Variants in LAMTOR1 observed in about 807,000 individuals in gnomAD.
LAMTOR1 encodes the protein late endosomal/lysosomal adaptor, MAPK and MTOR activator 1.
In LAMTOR1, 8 loss-of-function variants were observed where a neutral mutation model predicts 20.5. The observed-to-expected ratio is 0.39, with a 90% CI of 0.23 to 0.70. LAMTOR1 has a LOEUF of 0.70. LAMTOR1 is among the 30% of genes least tolerant of loss of function. The pLI, the probability that LAMTOR1 is intolerant of heterozygous loss-of-function variation, is 0.43. For missense variants in LAMTOR1, 135 were observed against 206.2 expected (o/e 0.65, Z 2.11); for synonymous variants, 77 against 80.9 (o/e 0.95, Z 0.26).
chr11:72,103,105 C>G, intron 1 of LAMTOR1, 78 bp downstream of exon 1: 1 of 1,522,978 alleles, frequency 6.6e-7, no homozygotes, highest in Non-Finnish European at 8.9e-7. Flanking sequence ...GGCTGCCCGT[C>G]CTCCGCAGGT....
At chr11:72,099,908 GCT>G (rs1945377051) in intron 1 of LAMTOR1, among the ~76,000 whole-genome samples, 1 of 152,144 alleles carries the variant, frequency 6.6e-6, no homozygotes, top group Admixed American at 6.5e-5. Flanking sequence ...GTGCTCTGGT[GCT>G]CTTTTTGTAC....
chr11:72,098,419 A>G lies in LAMTOR1; in HGVS notation c.267-4T>C, dbSNP rs1565324971. 2 of 1,607,668 alleles carry G rather than the reference A, an allele frequency of 1.2e-6. No homozygotes were observed. The highest frequency in any genetic ancestry group is 1.1e-5 in the South Asian group (1 of 88,472). On this transcript the variant is annotated splice_polypyrimidine_tract_variant and splice_region_variant and intron_variant, in intron 3 of 4. Transcript: ENST00000278671. Reference sequence around the variant, plus strand: ...GCTCAGCACAGCCAAGCGGGTGCTGACCAAGAGAGAGGGGGTGGGGGTAGG... The same window carrying G: ...GCTCAGCACAGCCAAGCGGGTGCTGGCCAAGAGAGAGGGGGTGGGGGTAGG...
chr11:72,098,088 G>GA, intron 4 of LAMTOR1, 174 bp from the exon 5 acceptor site: 1 of 1,025,072 alleles, frequency 9.8e-7, no homozygotes, highest in Non-Finnish European at 1.4e-6. Context: ...AAAGGGGAGT[G>GA]AAACAATAAA....
In LAMTOR1 at chr11:72,098,868, G is replaced by C; in HGVS notation, c.189-10C>G. 1 of 1,541,656 alleles carries C rather than the reference G, an allele frequency of 6.5e-7. No individual in the cohort carries two copies. Among genetic ancestry groups the C allele is most frequent in the South Asian group, 1.2e-5 (1 of 81,238 alleles). On this transcript the variant is annotated splice_polypyrimidine_tract_variant and intron_variant, in intron 2 of 4. Transcript: ENST00000278671. The stretch of plus-strand genomic sequence containing the variant: ...CACATCAATGATGTTGCTATGGGGA[G>C]AGGAGACAGAGATGACATGACAGGT...
chr11:72,103,113 G>C lies in LAMTOR1; in HGVS notation c.42+70C>G. On this transcript the variant is annotated intron_variant, in intron 1 of 4. Coordinates refer to ENST00000278671, the MANE Select transcript of LAMTOR1 (RefSeq NM_017907.3). The stretch of plus-strand genomic sequence containing the variant: ...GCAGTCCGGCTGCCCGTCCTCCGCA[G>C]GTTTCTTTCTGGGCCCCATGCCCCA... 3.9e-6 allele frequency: 6 copies of C among 1,541,406 alleles called. No individual in the cohort carries two copies. In the South Asian group the frequency reaches 7.1e-5, roughly 18 times the overall value.
intron 3 of LAMTOR1, 92 bp downstream of exon 3, chr11:72,098,689 G>T: frequency 1.0e-6 from 1 of 988,556 alleles, no homozygotes; most frequent in Non-Finnish European, 1.5e-6. Flanking sequence ...CAAATGAGAA[G>T]CTTGGACTAG....
chr11:72,098,258 G>A (rs1325880478), intron 4 of LAMTOR1, 31 bp downstream of exon 4: 1 of 1,610,182 alleles, frequency 6.2e-7, no homozygotes, highest in East Asian at 2.2e-5. Flanking sequence ...GTGTGAGAAG[G>A]GTGGGCAGGG....
intron 1 of LAMTOR1, among the ~76,000 whole-genome samples, 182 bp from the exon 2 acceptor site, chr11:72,099,438 A>G (rs538117014): frequency 6.6e-6 from 1 of 152,314 alleles, no homozygotes; most frequent in East Asian, 1.9e-4. Context: ...TGGGAGCTCA[A>G]CTGAGTTGGT....
chr11:72,099,184 T>A lies in LAMTOR1; in HGVS notation c.115A>T (p.Asn39Tyr), dbSNP rs1380983335. The part of the protein sequence containing the change: ...PTKALNGAEP[N>Y]YHSLPSARTD... Reference sequence around the variant, plus strand: ...CGAGCGGAAGGCAGGCTGTGGTAGTTGGGCTCGGCTCCATTGAGAGCTTTG... The same window carrying A: ...CGAGCGGAAGGCAGGCTGTGGTAGTAGGGCTCGGCTCCATTGAGAGCTTTG... The change falls in exon 2 of 5, where the codon AAC (asparagine) becomes TAC (tyrosine). Residue 39 changes from asparagine to tyrosine, a missense_variant. Physicochemically the swap from Asn to Tyr is moderately radical, Grantham distance 143. Coordinates refer to ENST00000278671, the MANE Select transcript of LAMTOR1 (RefSeq NM_017907.3). The A allele has an allele frequency of 1.2e-6, 2 of 1,613,084 alleles. No homozygotes were observed. The highest frequency in any genetic ancestry group is 8.5e-7 in the Non-Finnish European group (1 of 1,179,412).
intron 3 of LAMTOR1, 152 bp from the exon 4 acceptor site, chr11:72,098,567 G>T: frequency 9.8e-7 from 1 of 1,021,416 alleles, no homozygotes; most frequent in Non-Finnish European, 1.4e-6. Context: ...ACTCAATCTA[G>T]GCCCATCTCC....
In LAMTOR1 at chr11:72,103,279, G is replaced by A. The variant is rs1945523035; in HGVS notation, c.-55C>T. 1.9e-6 allele frequency: 3 copies of A among 1,540,034 alleles called. No individual in the cohort carries two copies. The highest frequency in any genetic ancestry group is 2.6e-6 in the Non-Finnish European group (3 of 1,143,188). On this transcript the variant is annotated 5_prime_UTR_variant, in exon 1 of 5. Coordinates refer to ENST00000278671, the MANE Select transcript of LAMTOR1 (RefSeq NM_017907.3). ...CGCCGAGGAGGGACGGCGTCCGTGA[G>A]GAGCCCTTCCGGTCACATGACCCGC...
Position 72,099,253 on chromosome 11 carries a change from G to A in LAMTOR1, c.46C>T (p.Arg16Ter), listed in dbSNP as rs747421120. Residue 16 changes from arginine to a stop codon, truncating the protein, a stop_gained, in exon 2 of 5, where the codon CGA (arginine) becomes TGA (stop). Coordinates refer to ENST00000278671, the MANE Select transcript of LAMTOR1 (RefSeq NM_017907.3). LOFTEE classifies it high-confidence loss of function. ...SSENEDSDQD[R>*]EERKLLLDPS... ...TCCAGCAGCAGCTTCCGCTCCTCTC[G>A]GTCCTAGAAGTGGTCATGGGAGAGA... The A allele has an allele frequency of 1.9e-6, 3 of 1,557,472 alleles. No individual in the cohort carries two copies. Among genetic ancestry groups the A allele is most frequent in the Non-Finnish European group, 2.6e-6 (3 of 1,148,628 alleles).
intron 1 of LAMTOR1, among the ~76,000 whole-genome samples, chr11:72,102,700 C>T (rs1462163757): frequency 1.3e-5 from 2 of 152,178 alleles, no homozygotes; most frequent in African/African-American, 4.8e-5. Flanking sequence ...CAGAGTCGTC[C>T]CCTGGCCCTA....
chr11:72,100,271 A>G (rs1945390912), intron 1 of LAMTOR1, among the ~76,000 whole-genome samples: 1 of 152,074 alleles, frequency 6.6e-6, no homozygotes, highest in South Asian at 2.1e-4. Flanking sequence ...AAAACAAACA[A>G]CAATGGCGCT....
chr11:72,099,421 C>G (rs1945357540), intron 1 of LAMTOR1, among the ~76,000 whole-genome samples, 165 bp from the exon 2 acceptor site: 1 of 152,176 alleles, frequency 6.6e-6, no homozygotes, highest in Non-Finnish European at 1.5e-5. Context: ...CAGTTCCTGC[C>G]TATCCTTGGG....
chr11:72,100,005 G>A (rs1441085185), intron 1 of LAMTOR1, among the ~76,000 whole-genome samples: 1 of 152,142 alleles, frequency 6.6e-6, no homozygotes, highest in Admixed American at 6.5e-5. Context: ...ATTCACACCA[G>A]TAATCCCAAC....
chr11:72,098,792 G>C lies in LAMTOR1; in HGVS notation c.255C>G (p.Ala85=). 1.3e-6 allele frequency: 2 copies of C among 1,549,696 alleles called. No homozygotes were observed. The part of the protein sequence containing the change: ...GMEQHEYMDR[A]RQYSTRLAVL... ...GGCCAGGTGCTCACCTGTACTGCCT[G>C]GCACGGTCCATGTACTCATGCTGCT... Residue 85 remains alanine (A), a synonymous_variant, in exon 3 of 5, where the codon GCC becomes GCG. Transcript: ENST00000278671.
intron 2 of LAMTOR1, 30 bp downstream of exon 2, chr11:72,099,081 C>A: frequency 6.2e-7 from 1 of 1,610,056 alleles, no homozygotes; most frequent in Non-Finnish European, 8.5e-7. Context: ...TAGAGGAGCT[C>A]TGACCCAGGC....
intron 1 of LAMTOR1, 151 bp downstream of exon 1, chr11:72,103,032 G>T: frequency 9.3e-7 from 1 of 1,069,724 alleles, no homozygotes; most frequent in Non-Finnish European, 1.4e-6. Context: ...TAGGAGCCCG[G>T]CTTGGCGTCT....
Sources: allele counts gnomAD v4.1 joint callset (sites outside exome capture counted in the v4.1 genomes callset), GRCh38; gene constraint gnomAD v4.1.1; transcripts MANE v1.5; gene names NCBI Gene and HGNC (gene_info 2026-07-23, HGNC 2026-07-21).